SND1: variants seen among roughly 807,000 people sequenced by gnomAD.
SND1 encodes staphylococcal nuclease and tudor domain containing 1, also known as staphylococcal nuclease domain-containing protein 1.
Under a neutral mutation model 121.7 loss-of-function variants are expected in SND1, and 38 were observed. That is an observed-to-expected ratio of 0.31 (90% confidence interval 0.24 to 0.41). The LOEUF (loss-of-function observed/expected upper bound fraction) is 0.41, where lower values mean the gene tolerates loss of function less well. SND1 is among the 10% of genes least tolerant of loss of function. SND1 has a pLI of 1.00. For missense variants in SND1, 868 were observed against 1,184.6 expected, an observed-to-expected ratio of 0.73 and a Z score of 3.92; for synonymous variants, 401 against 447.4, an observed-to-expected ratio of 0.90 and a Z score of 1.31.
Position 128,029,625 on chromosome 7 carries a change from T to G in SND1, c.1779+38569T>G, listed in dbSNP as rs1388284908. On this transcript the variant is annotated intron_variant, in intron 16 of 23. Transcript: ENST00000354725. This position sits in a 1 kb window ranked among gnomAD's most constrained non-coding sequence, Gnocchi z 4.2. ...GGAGGCCTGGTCCACCTCCACGAGG[T>G]AGCGGCCTCGCATGTGCATGGGAGC... The G allele has an allele frequency of 6.2e-7, 1 of 1,613,936 alleles. No homozygotes were observed. The highest frequency in any genetic ancestry group is 1.1e-5 in the South Asian group (1 of 91,070).
At chr7:127,692,295 C>T (rs1325984458) in intron 2 of SND1, among the ~76,000 whole-genome samples, 1 of 152,168 alleles carries the variant, frequency 6.6e-6, no homozygotes, top group Admixed American at 6.5e-5. Context: ...CGCCAGATTG[C>T]CTGCAGTTGG....
At chr7:127,999,197 A>G (rs1802755679) in intron 16 of SND1, 1 of 152,140 alleles carries the variant, frequency 6.6e-6, no homozygotes, top group Admixed American at 6.5e-5. Context: ...TAGGACCACA[A>G]GAGATTTGGC....
At chr7:128,030,011 G>A (rs548510704) in intron 16 of SND1, 14 of 1,613,070 alleles carry the variant, frequency 8.7e-6, no homozygotes, top group Non-Finnish European at 1.1e-5. Context: ...GATTGGGCAT[G>A]TCTTTAATGT....
chr7:127,883,770 T>C (rs1000202598), intron 12 of SND1, among the ~76,000 whole-genome samples: 1 of 152,196 alleles, frequency 6.6e-6, no homozygotes, highest in Non-Finnish European at 1.5e-5. Context: ...TCTGGAATAG[T>C]TCTTCAGTCT....
chr7:127,694,685 C>T, intron 2 of SND1, 143 bp from the exon 3 acceptor site: 1 of 952,534 alleles, frequency 1.0e-6, no homozygotes, highest in Non-Finnish European at 1.6e-6. Context: ...GTGTGCATTT[C>T]ATTTTTATAT....
chr7:128,081,949 GGGGT>G (rs1200034689), intron 18 of SND1: 1 of 535,092 alleles, frequency 1.9e-6, no homozygotes, highest in Non-Finnish European at 3.8e-6. Context: ...TGTCTCTGCT[GGGGT>G]TTCTCCTTCT....
chr7:127,753,132 G>A (rs140680014), intron 10 of SND1, among the ~76,000 whole-genome samples: 1 of 152,328 alleles, frequency 6.6e-6, no homozygotes, highest in Non-Finnish European at 1.5e-5. Flanking sequence ...GAGCTGCAAA[G>A]TGTCAAAATT....
chr7:128,065,021 G>A (rs947883725), intron 16 of SND1, among the ~76,000 whole-genome samples: 1 of 152,228 alleles, frequency 6.6e-6, no homozygotes, highest in African/African-American at 2.4e-5. Context: ...AATGTGCAGA[G>A]TACTCTCTGG....
At chr7:127,816,681 T>G (rs938961540) in intron 11 of SND1, among the ~76,000 whole-genome samples, 13 of 148,876 alleles carry the variant, frequency 8.7e-5, no homozygotes, top group African/African-American at 3.0e-4. Context: ...TTTTTTTTTT[T>G]GTAACAGTGT....
intron 7 of SND1, among the ~76,000 whole-genome samples, chr7:127,704,117 T>G (rs952887461): frequency 6.6e-6 from 1 of 152,230 alleles, no homozygotes; most frequent in Admixed American, 6.5e-5. Flanking sequence ...ATGTTTTACC[T>G]TATTGTGCAC....
chr7:127,902,977 G>A (rs371553543), intron 13 of SND1, among the ~76,000 whole-genome samples: 5 of 151,976 alleles, frequency 3.3e-5, no homozygotes, highest in African/African-American at 9.7e-5. Context: ...CACCTCCCGG[G>A]TTCAAGGAAT....
intron 1 of SND1, among the ~76,000 whole-genome samples, chr7:127,671,536 G>C (rs1050773866): frequency 6.6e-6 from 1 of 152,096 alleles, no homozygotes; most frequent in Non-Finnish European, 1.5e-5. Flanking sequence ...TTGCTATGTT[G>C]CCCGGGCTGG....
chr7:127,983,061 G>A (rs1042276193), intron 15 of SND1, among the ~76,000 whole-genome samples: 1 of 152,142 alleles, frequency 6.6e-6, no homozygotes, highest in Non-Finnish European at 1.5e-5. Context: ...TTTTGAAATC[G>A]GCCTGGACAA....
chr7:127,832,735 C>G (rs1016570062), intron 11 of SND1, among the ~76,000 whole-genome samples: 1 of 152,170 alleles, frequency 6.6e-6, no homozygotes, highest in African/African-American at 2.4e-5. Context: ...CCCCAAGCCC[C>G]GGACTGCGGA....
At chr7:128,054,002 C>G (rs1019050603) in intron 16 of SND1, among the ~76,000 whole-genome samples, 1 of 152,194 alleles carries the variant, frequency 6.6e-6, no homozygotes, top group Admixed American at 6.5e-5. Flanking sequence ...GGGGCAGGCC[C>G]CTGGAGAAAT....
rs1470480055 is a variant in SND1, at chr7:128,029,903, C to T, written c.1779+38847C>T. On this transcript the variant is annotated intron_variant, in intron 16 of 23. Transcript: ENST00000354725. This position sits in a 1 kb window ranked among gnomAD's most constrained non-coding sequence, Gnocchi z 4.2. ...TGACCTGTGAGTTCATGACCCAGAG[C>T]TTCTTGAGGGAGCTCAGGCCATGGA... 3 of 1,613,288 alleles carry T rather than the reference C, an allele frequency of 1.9e-6. No individual in the cohort carries two copies. The highest frequency in any genetic ancestry group is 4.5e-5 in the East Asian group (2 of 44,880).
At chr7:128,072,829 A>G (rs190300645) in intron 16 of SND1, among the ~76,000 whole-genome samples, 1 of 152,250 alleles carries the variant, frequency 6.6e-6, no homozygotes, top group Non-Finnish European at 1.5e-5. Flanking sequence ...AACCTGAGCA[A>G]CCTCAGATTT....
At chr7:127,662,766 A>G (rs1448506301) in intron 1 of SND1, among the ~76,000 whole-genome samples, 2 of 152,002 alleles carry the variant, frequency 1.3e-5, no homozygotes, top group African/African-American at 4.8e-5. Context: ...TTGGTAAATA[A>G]TTACTGTTGT....
intron 14 of SND1, among the ~76,000 whole-genome samples, chr7:127,922,734 G>A (rs891197390): frequency 6.6e-6 from 1 of 152,138 alleles, no homozygotes; most frequent in African/African-American, 2.4e-5. Context: ...TGCTTAGCCA[G>A]GATATTTCTT....
Sources: allele counts gnomAD v4.1 joint callset (sites outside exome capture counted in the v4.1 genomes callset), GRCh38; gene constraint gnomAD v4.1.1; non-coding constraint Gnocchi (gnomAD v3.1); transcripts MANE v1.5; gene names NCBI Gene and HGNC (gene_info 2026-07-23, HGNC 2026-07-21).